UPF2: variants seen among roughly 807,000 people sequenced by gnomAD.
UPF2 encodes UPF2 regulator of nonsense mediated mRNA decay.
UPF2 carries 17 observed loss-of-function variants against 141.4 expected under a neutral mutation model. The observed-to-expected ratio is 0.12, with a 90% CI of 0.08 to 0.18. UPF2 has a LOEUF of 0.18. UPF2 is among the 10% of genes least tolerant of loss of function. The pLI is 1.00. For synonymous variants in UPF2, 540 were observed against 498.0 expected (o/e 1.08, Z -1.12); for missense variants, 1,152 against 1,515.9 (o/e 0.76, Z 3.99).
Position 11,921,370 on chromosome 10 carries a change from G to C in UPF2, c.3810-63C>G. 2.5e-6 allele frequency: 4 copies of C among 1,608,252 alleles called. No homozygotes were observed. The highest frequency in any genetic ancestry group is 3.4e-6 in the Non-Finnish European group (4 of 1,175,436). On this transcript the variant is annotated intron_variant, in intron 21 of 21. Coordinates refer to ENST00000357604, the MANE Select transcript of UPF2 (RefSeq NM_015542.4). This position sits in a 1 kb window ranked among gnomAD's most constrained non-coding sequence, Gnocchi z 5.9. ...GCCACAGGACAAAGTCCAGCAAGATGGCGTCTGCAACGCTACCCACCACCA... is the reference window on the plus strand; with the variant it reads ...GCCACAGGACAAAGTCCAGCAAGATCGCGTCTGCAACGCTACCCACCACCA...
At chr10:12,002,857 C>T (rs951625632) in intron 5 of UPF2, among the ~76,000 whole-genome samples, 1 of 152,096 alleles carries the variant, frequency 6.6e-6, no homozygotes. Flanking sequence ...ATAAAATTCT[C>T]GTAAATAAAA....
intron 8 of UPF2, among the ~76,000 whole-genome samples, chr10:11,982,404 T>A (rs899484405): frequency 2.0e-5 from 3 of 152,088 alleles, no homozygotes; most frequent in Non-Finnish European, 4.4e-5. Flanking sequence ...TCTTCTCCCA[T>A]ACCTCCCAGC....
rs764361725 is a variant in UPF2, at chr10:11,929,659, T to TA, written c.3809+205dup. Among the ~76,000 whole-genome samples, 458 of 151,960 alleles carry TA rather than the reference T, an allele frequency of 3.0e-3. 4 individuals carry two copies. Among genetic ancestry groups the TA allele is most frequent in the Admixed American group, 4.4e-3 (67 of 15,258 alleles). ...TTGTCTCAAAAAATAAAAATAAAAA[T>TA]AAAAAAAACAGAACAGCCATACTAT... On this transcript the variant is annotated intron_variant, in intron 21 of 21. Coordinates refer to ENST00000357604, the MANE Select transcript of UPF2 (RefSeq NM_015542.4).
intron 6 of UPF2, among the ~76,000 whole-genome samples, chr10:12,000,262 A>G (rs1394455162): frequency 6.6e-6 from 1 of 152,222 alleles, no homozygotes; most frequent in African/African-American, 2.4e-5. Flanking sequence ...CTTGGTCAGA[A>G]AAAGCATGCA....
At position 11,952,202 on chromosome 10, in the gene UPF2, A is replaced by G. The variant is rs751294385; in HGVS notation, c.2898T>C (p.His966=). 6.2e-7 allele frequency: 1 copy of G among 1,613,452 alleles called. No homozygotes were observed. Among genetic ancestry groups the G allele is most frequent in the South Asian group, 1.1e-5 (1 of 90,862 alleles). ...TGTAATCTATATCAATAGGAAATGG[A>G]TGGTCTTTTGTCCAAACCTCCAAAC... The part of the protein sequence containing the change: ...KKSLEVWTKD[H]PFPIDIDYMI... Residue 966 remains histidine, a synonymous_variant, in exon 15 of 22, where the codon CAT becomes CAC. Transcript: ENST00000357604.
In UPF2 at chr10:12,014,129, C is replaced by T. The variant is rs750978046; in HGVS notation, c.1201G>A (p.Glu401Lys). 1 of 1,583,186 alleles carries T rather than the reference C, an allele frequency of 6.3e-7. No homozygotes were observed. The highest frequency in any genetic ancestry group is 1.8e-5 in the Admixed American group (1 of 56,538). The change falls in exon 4 of 22, where the codon GAA (glutamate) becomes AAA (lysine). Residue 401 changes from glutamate to lysine, a missense_variant. Glu to Lys is a moderately conservative substitution (Grantham distance 56, BLOSUM62 1). Around this residue, in one of 4 missense-constraint regions of UPF2, gnomAD observed 739 missense variants for 1,032.2 expected, o/e 0.72. Transcript: ENST00000357604. This position sits in a 1 kb window ranked among gnomAD's most constrained non-coding sequence, Gnocchi z 5.0. ...AGCTTCTGGTAAGACATAGCAAATT[C>T]CTCATACTGTTTATGTCTATCTTCA... ...LSEDRHKQYEEFAMSYQKLLA... is the reference protein window; with the variant it reads ...LSEDRHKQYEKFAMSYQKLLA...
At chr10:12,024,329 G>C (rs1313229266) in intron 3 of UPF2, among the ~76,000 whole-genome samples, 1 of 152,122 alleles carries the variant, frequency 6.6e-6, no homozygotes, top group Non-Finnish European at 1.5e-5. Context: ...TGGGATGGGG[G>C]GTGGGCACAG....
chr10:12,018,788 C>T (rs1329213549), intron 3 of UPF2, among the ~76,000 whole-genome samples: 1 of 152,012 alleles, frequency 6.6e-6, no homozygotes, highest in Non-Finnish European at 1.5e-5. Flanking sequence ...CCCAAGGATC[C>T]TTTAGAAATT....
rs1564360705 is a variant in UPF2, at chr10:11,997,761, T to C, written c.1759-4A>G. On this transcript the variant is annotated splice_polypyrimidine_tract_variant and splice_region_variant and intron_variant, in intron 7 of 21. Transcript: ENST00000357604. ...TCATGCAAAAATCCATTGCTGCCTA[T>C]TGGGAAAAAGTAAACTTTTTCTTTA... 1.2e-6 allele frequency: 2 copies of C among 1,613,646 alleles called. No individual in the cohort carries two copies. The highest frequency in any genetic ancestry group is 1.7e-6 in the Non-Finnish European group (2 of 1,179,790).
Position 11,936,781 on chromosome 10 carries a change from C to T in UPF2, c.3379-69G>A. The T allele has an allele frequency of 7.2e-7, 1 of 1,394,082 alleles. No individual in the cohort carries two copies. Among genetic ancestry groups the T allele is most frequent in the African/African-American group, 1.5e-5 (1 of 68,558 alleles). The allele number at this position is 1,394,082 out of a possible 1,614,324, so 86.4% of individuals were successfully genotyped here. A position where few individuals can be genotyped will look rare whatever the true frequency, so the allele number is the denominator to read the frequency against. ...TACGGATATATGTCAATATAAATTGCAAACTCATTCAATGCTGTATTTCTT... is the reference window on the plus strand; with the variant it reads ...TACGGATATATGTCAATATAAATTGTAAACTCATTCAATGCTGTATTTCTT... On this transcript the variant is annotated intron_variant, in intron 18 of 21. Transcript: ENST00000357604. This position sits in a 1 kb window ranked among gnomAD's most constrained non-coding sequence, Gnocchi z 6.6.
intron 4 of UPF2, 64 bp from the exon 5 acceptor site, chr10:12,004,791 T>C (rs1282033757): frequency 2.0e-6 from 3 of 1,504,310 alleles, no homozygotes; most frequent in African/African-American, 2.8e-5. Context: ...AAACATGACA[T>C]AAGTTATTTT....
At chr10:12,001,184 C>T (rs1198210783) in intron 6 of UPF2, among the ~76,000 whole-genome samples, 2 of 152,054 alleles carry the variant, frequency 1.3e-5, no homozygotes, top group East Asian at 1.9e-4. Context: ...GGAGCCAAGG[C>T]GGGCGGATCA....
Position 11,992,485 on chromosome 10 carries a change from T to C in UPF2, c.1844+5187A>G, listed in dbSNP as rs1833795918. Among the ~76,000 whole-genome samples the C allele has an allele frequency of 1.3e-5, 2 of 152,098 alleles. No homozygotes were observed. Among genetic ancestry groups the C allele is most frequent in the South Asian group, 4.1e-4 (2 of 4,820 alleles). ...TCATGGTAGAAAACAACAGAGACTG[T>C]CTAAATAAATAATCGCTAAGCAAAC... On this transcript the variant is annotated intron_variant, in intron 8 of 21. Transcript: ENST00000357604. This position sits in a 1 kb window ranked among gnomAD's most constrained non-coding sequence, Gnocchi z 4.1.
In UPF2 at chr10:11,959,305, T is replaced by C. The variant is rs1184788126; in HGVS notation, c.2236A>G (p.Thr746Ala). 7 of 1,600,424 alleles carry C rather than the reference T, an allele frequency of 4.4e-6. No homozygotes were observed. In the South Asian group the frequency reaches 7.9e-5, roughly 18 times the overall value. ...QAMHLDARYVTMVENAYYYCN... is the reference protein window; with the variant it reads ...QAMHLDARYVAMVENAYYYCN... Reference sequence around the variant, plus strand: ...TAGTAATATGCATTCTCTACCATTGTGACGTATCTCGCATCAAGATGCATT... The same window carrying C: ...TAGTAATATGCATTCTCTACCATTGCGACGTATCTCGCATCAAGATGCATT... The change falls in exon 12 of 22, where the codon ACA (threonine) becomes GCA (alanine). Residue 746 changes from threonine to alanine, a missense_variant. Physicochemically the swap from Thr to Ala is moderately conservative, Grantham distance 58 (BLOSUM62 0). Transcript: ENST00000357604. This position sits in a 1 kb window ranked among gnomAD's most constrained non-coding sequence, Gnocchi z 5.9.
chr10:11,943,153 CATT>C lies in UPF2; in HGVS notation c.3187_3189del (p.Asn1063del), dbSNP rs778440811. 8.3e-5 allele frequency: 134 copies of C among 1,608,980 alleles called. No individual in the cohort carries two copies. The highest frequency in any genetic ancestry group is 3.2e-4 in the South Asian group (29 of 90,900). The stretch of plus-strand genomic sequence containing the variant: ...TCCTCTTCTTCTCCCTCATCATCAT[CATT>C]ATCAGAACCCTCCTGAAATTATTGA... On this transcript the variant is annotated inframe_deletion, in exon 17 of 22. Coordinates refer to ENST00000357604, the MANE Select transcript of UPF2 (RefSeq NM_015542.4).
chr10:11,996,311 A>C (rs1006839161), intron 8 of UPF2, among the ~76,000 whole-genome samples: 2 of 151,536 alleles, frequency 1.3e-5, no homozygotes, highest in African/African-American at 4.9e-5. Flanking sequence ...GAATACTTGC[A>C]TCTTTTTTTA....
At position 12,038,707 on chromosome 10, in the gene UPF2, C is replaced by T. The variant is rs546058862; in HGVS notation, c.-18-3266G>A. ...TAGCGCCACTGCACTCCAGTCTGGG[C>T]AAAAGACGGAGACTCCGTCTCAAAA... On this transcript the variant is annotated intron_variant, in intron 1 of 21. Coordinates refer to ENST00000357604, the MANE Select transcript of UPF2 (RefSeq NM_015542.4). Among the ~76,000 whole-genome samples, 3 of 151,656 alleles carry T rather than the reference C, an allele frequency of 2.0e-5. No individual in the cohort carries two copies. The East Asian group carries it at 5.8e-4, about 30-fold the overall frequency.
At chr10:12,031,954 C>T (rs964766583) in intron 2 of UPF2, among the ~76,000 whole-genome samples, 9 of 152,076 alleles carry the variant, frequency 5.9e-5, no homozygotes, top group African/African-American at 2.2e-4. Context: ...TGAAGTCTCC[C>T]AGCAACACAC....
At chr10:12,021,410 A>G (rs1358345721) in intron 3 of UPF2, among the ~76,000 whole-genome samples, 1 of 151,850 alleles carries the variant, frequency 6.6e-6, no homozygotes, top group East Asian at 1.9e-4. Flanking sequence ...GTGGTGGTGC[A>G]TACCTGTGGT....
Sources: gnomAD v4.1 joint callset for allele counts (sites outside exome capture counted in the v4.1 genomes callset) on GRCh38, gnomAD v4.1.1 for gene constraint, gnomAD v4.1.1 regional missense constraint, Gnocchi (gnomAD v3.1) non-coding constraint, MANE v1.5 for transcripts, NCBI Gene and HGNC (gene_info 2026-07-23, HGNC 2026-07-21) for gene names.